Variants in EFNA5 observed in about 807,000 individuals in gnomAD.
EFNA5 encodes the protein ephrin-A5.
In EFNA5, 5 loss-of-function variants were observed where a neutral mutation model predicts 22.9. The observed-to-expected ratio is 0.22, with a 90% CI of 0.11 to 0.46. The LOEUF (loss-of-function observed/expected upper bound fraction) is 0.46. Ranked by LOEUF, EFNA5 falls within the 20% of genes least tolerant of loss-of-function variation. The pLI is 0.99. For synonymous variants in EFNA5, 113 were observed against 112.2 expected (o/e 1.01, Z -0.04); for missense variants, 237 against 293.3 (o/e 0.81, Z 1.40).
chr5:107,517,948 T>C (rs1747517867), intron 1 of EFNA5, among the ~76,000 whole-genome samples: 2 of 152,174 alleles, frequency 1.3e-5, no homozygotes, highest in Admixed American at 1.3e-4. Context: ...TGTATTTTTC[T>C]TATGCAATGA....
chr5:107,575,061 C>A (rs1748898974), intron 1 of EFNA5, among the ~76,000 whole-genome samples: 1 of 152,162 alleles, frequency 6.6e-6, no homozygotes, highest in African/African-American at 2.4e-5. Context: ...CCTGACAATG[C>A]ACGATACTCG....
At chr5:107,497,058 C>T (rs1747005716) in intron 1 of EFNA5, among the ~76,000 whole-genome samples, 1 of 152,184 alleles carries the variant, frequency 6.6e-6, no homozygotes, top group East Asian at 1.9e-4. Context: ...AGAACCAGCT[C>T]CCTGAGGTTG....
At chr5:107,404,898 C>T (rs1014675972) in intron 2 of EFNA5, among the ~76,000 whole-genome samples, 44 of 152,068 alleles carry the variant, frequency 2.9e-4, no homozygotes, top group East Asian at 1.9e-4. Context: ...TGATTTTGCC[C>T]GCAGAGACAT....
chr5:107,467,580 T>C (rs1030999186), intron 1 of EFNA5, among the ~76,000 whole-genome samples: 1 of 152,250 alleles, frequency 6.6e-6, no homozygotes, highest in African/African-American at 2.4e-5. Context: ...ACATAGGTGA[T>C]ATGCGCACAT....
intron 1 of EFNA5, among the ~76,000 whole-genome samples, chr5:107,578,844 G>A (rs896512988): frequency 4.6e-5 from 7 of 152,216 alleles, no homozygotes; most frequent in African/African-American, 1.7e-4. Flanking sequence ...ATATGGGGCT[G>A]GCTTCTACGC....
intron 1 of EFNA5, among the ~76,000 whole-genome samples, chr5:107,583,786 T>C (rs1486358358): frequency 6.6e-6 from 1 of 152,228 alleles, no homozygotes; most frequent in Non-Finnish European, 1.5e-5. Context: ...ACCCATTAGT[T>C]CGATCAATCT....
At chr5:107,664,134 C>A (rs1554071990) in intron 1 of EFNA5, among the ~76,000 whole-genome samples, 1 of 151,986 alleles carries the variant, frequency 6.6e-6, no homozygotes, top group Non-Finnish European at 1.5e-5. Flanking sequence ...GAATTTGCAT[C>A]CACTCAAATT....
intron 1 of EFNA5, among the ~76,000 whole-genome samples, chr5:107,477,550 T>C (rs1450060780): frequency 1.3e-5 from 2 of 152,224 alleles, no homozygotes; most frequent in Non-Finnish European, 2.9e-5. Context: ...TCCTATTCTC[T>C]TATTTTTCAG....
chr5:107,607,642 C>T (rs2112517857), intron 1 of EFNA5, among the ~76,000 whole-genome samples: 1 of 152,296 alleles, frequency 6.6e-6, no homozygotes, highest in Admixed American at 6.5e-5. Context: ...ATCTTTTCAG[C>T]TAAAAATTCA....
intron 1 of EFNA5, among the ~76,000 whole-genome samples, chr5:107,514,584 T>C (rs1747437653): frequency 6.6e-6 from 1 of 152,170 alleles, no homozygotes. Context: ...TTTATTTTTC[T>C]GCCAGAAGGA....
chr5:107,519,111 G>C (rs938376813), intron 1 of EFNA5, among the ~76,000 whole-genome samples: 13 of 152,222 alleles, frequency 8.5e-5, no homozygotes, highest in Non-Finnish European at 1.8e-4. Flanking sequence ...CACAAAGGTA[G>C]TTGCCACAAG....
chr5:107,567,142 C>T (rs1748679935), intron 1 of EFNA5, among the ~76,000 whole-genome samples: 1 of 152,150 alleles, frequency 6.6e-6, no homozygotes, highest in Admixed American at 6.5e-5. Context: ...GTATGTAGCA[C>T]AACCCTCCCT....
intron 1 of EFNA5, among the ~76,000 whole-genome samples, chr5:107,644,022 T>C (rs192770378): frequency 6.6e-6 from 1 of 152,214 alleles, no homozygotes; most frequent in Admixed American, 6.5e-5. Flanking sequence ...GTTTTTTTCA[T>C]GGAAAAGAAT....
At chr5:107,539,797 A>T (rs974663146) in intron 1 of EFNA5, among the ~76,000 whole-genome samples, 1 of 152,192 alleles carries the variant, frequency 6.6e-6, no homozygotes, top group Non-Finnish European at 1.5e-5. Context: ...ACCAGTCAGC[A>T]TACCATTGGT....
At chr5:107,558,046 G>A (rs1357077874) in intron 1 of EFNA5, among the ~76,000 whole-genome samples, 3 of 152,052 alleles carry the variant, frequency 2.0e-5, no homozygotes, top group East Asian at 3.9e-4. Context: ...CTGGCACATG[G>A]TATATATAAA....
chr5:107,586,380 C>A (rs1427849384), intron 1 of EFNA5, among the ~76,000 whole-genome samples: 4 of 152,130 alleles, frequency 2.6e-5, no homozygotes, highest in Non-Finnish European at 4.4e-5. Flanking sequence ...ATTGAGTACA[C>A]AACTGAAATA....
chr5:107,639,509 T>C (rs1335424761), intron 1 of EFNA5, among the ~76,000 whole-genome samples: 1 of 152,234 alleles, frequency 6.6e-6, no homozygotes, highest in Non-Finnish European at 1.5e-5. Flanking sequence ...TTAGGCAAAT[T>C]ACATGACTTT....
chr5:107,513,263 A>G (rs549590099), intron 1 of EFNA5, among the ~76,000 whole-genome samples: 23 of 151,234 alleles, frequency 1.5e-4, no homozygotes, highest in Admixed American at 1.2e-3. Flanking sequence ...AGGGAGAGGG[A>G]GAGAGAGAGA....
chr5:107,460,494 C>A (rs924651941), intron 1 of EFNA5, among the ~76,000 whole-genome samples: 34 of 152,182 alleles, frequency 2.2e-4, no homozygotes, highest in African/African-American at 8.2e-4. Flanking sequence ...TGTCACACAG[C>A]AAGCATATCA....
Sources: gnomAD v4.1 joint callset for allele counts (sites outside exome capture counted in the v4.1 genomes callset) on GRCh38, gnomAD v4.1.1 for gene constraint, MANE v1.5 for transcripts, NCBI Gene and HGNC (gene_info 2026-07-23, HGNC 2026-07-21) for gene names.